Variants in MYBL2 observed in about 807,000 individuals in gnomAD.
The protein encoded by MYBL2 is MYB proto-oncogene like 2.
Under a neutral mutation model 79.9 loss-of-function variants are expected in MYBL2, and 28 were observed. The ratio of observed to expected loss-of-function variants is 0.35; its 90% CI spans 0.26 to 0.48. MYBL2 has a LOEUF of 0.48. Ranked by LOEUF, MYBL2 falls within the 20% of genes least tolerant of loss-of-function variation. The pLI is 0.99. For missense variants in MYBL2, 735 were observed against 893.9 expected (o/e 0.82, Z 2.27); for synonymous variants, 378 against 361.2 (o/e 1.05, Z -0.53).
chr20:43,689,553 G>A (rs1414106427), intron 5 of MYBL2, among the ~76,000 whole-genome samples: 1 of 152,128 alleles, frequency 6.6e-6, no homozygotes, highest in Non-Finnish European at 1.5e-5. Context: ...TGCCTATTGT[G>A]TAGCTAATGT....
intron 6 of MYBL2, among the ~76,000 whole-genome samples, chr20:43,696,472 T>C (rs986762029): frequency 2.6e-4 from 9 of 34,352 alleles, no homozygotes; most frequent in African/African-American, 5.1e-4. Flanking sequence ...CTGCCCACCT[T>C]GGCCTCCCAA....
At chr20:43,671,031 C>T (rs530731024) in intron 1 of MYBL2, among the ~76,000 whole-genome samples, 7 of 150,976 alleles carry the variant, frequency 4.6e-5, no homozygotes, top group Admixed American at 1.3e-4. Flanking sequence ...TGCAGTGGCA[C>T]GATCTTGACT....
At chr20:43,712,357 G>A (rs1412277923) in intron 11 of MYBL2, among the ~76,000 whole-genome samples, 1 of 152,184 alleles carries the variant, frequency 6.6e-6, no homozygotes, top group East Asian at 1.9e-4. Flanking sequence ...ACTTGCCCGA[G>A]CTGGCACCCC....
intron 1 of MYBL2, among the ~76,000 whole-genome samples, chr20:43,671,305 G>A (rs1380511366): frequency 6.6e-6 from 1 of 151,290 alleles, no homozygotes; most frequent in African/African-American, 2.4e-5. Flanking sequence ...ACAGGCGCAT[G>A]CCACCACACC....
In MYBL2 at chr20:43,699,915, G is replaced by C. The variant is rs141587061; in HGVS notation, c.822G>C (p.Pro274=). ...CACCAGAGCCCTTGGAGGAATTCCC[G>C]AAGCGTGAGGACCAGGAAGGCTCCC... is the stretch of plus-strand genomic sequence containing the variant. ...VRTPEPLEEF[P]KREDQEGSPP... The change falls in exon 7 of 14, where the codon CCG becomes CCC. Residue 274 remains proline (P), a synonymous_variant. Transcript: ENST00000217026. 6.2e-7 allele frequency: 1 copy of C among 1,614,086 alleles called. No individual in the cohort carries two copies. The highest frequency in any genetic ancestry group is 8.5e-7 in the Non-Finnish European group (1 of 1,180,006).
intron 7 of MYBL2, 96 bp downstream of exon 7, chr20:43,700,140 C>T: frequency 6.8e-7 from 1 of 1,468,388 alleles, no homozygotes; most frequent in Non-Finnish European, 9.2e-7. Context: ...TTCCATCGCC[C>T]TGCTAACAGT....
intron 9 of MYBL2, among the ~76,000 whole-genome samples, chr20:43,707,460 T>C (rs1204610868): frequency 6.6e-6 from 1 of 152,218 alleles, no homozygotes; most frequent in Non-Finnish European, 1.5e-5. Flanking sequence ...CATTCCTCTT[T>C]AGATCCATAT....
intron 1 of MYBL2, among the ~76,000 whole-genome samples, chr20:43,672,579 C>A (rs1307377312): frequency 6.6e-6 from 1 of 151,988 alleles, no homozygotes; most frequent in African/African-American, 2.4e-5. Flanking sequence ...GATGTTTCTA[C>A]AAAAAAATAC....
intron 9 of MYBL2, among the ~76,000 whole-genome samples, chr20:43,707,021 A>AT (rs1987804243): frequency 6.6e-6 from 1 of 150,510 alleles, no homozygotes; most frequent in Non-Finnish European, 1.5e-5. Flanking sequence ...GCCAAAAAAA[A>AT]TTTTTTTAAT....
chr20:43,678,091 ACGCTTGAAGG>A (rs1172498440), intron 2 of MYBL2, among the ~76,000 whole-genome samples: 2 of 150,300 alleles, frequency 1.3e-5, no homozygotes, highest in East Asian at 3.9e-4. Context: ...TGTTAAACAG[ACGCTTGAAGG>A]CAGCATGCTC....
In MYBL2 at chr20:43,699,950, C is replaced by A. The variant is rs150899100; in HGVS notation, c.857C>A (p.Thr286Lys). 46 of 1,614,152 alleles carry A rather than the reference C, an allele frequency of 2.8e-5. No individual in the cohort carries two copies. The highest frequency in any genetic ancestry group is 3.6e-5 in the Non-Finnish European group (43 of 1,180,036). ...GACCAGGAAGGCTCCCCACCAGAAA[C>A]GAGCCTGCCTTACAAGTGGGTGGTG... ...REDQEGSPPETSLPYKWVVEA... is the reference protein window; with the variant it reads ...REDQEGSPPEKSLPYKWVVEA... The change falls in exon 7 of 14, where the codon ACG (threonine) becomes AAG (lysine). Residue 286 changes from threonine to lysine, a missense_variant. By Grantham distance (78) the Thr-to-Lys change is moderately conservative. This residue lies in a region of MYBL2 where 144 missense variants were observed against 131.9 expected (regional missense o/e 1.09). Transcript: ENST00000217026.
chr20:43,694,103 C>T (rs1352130490), intron 6 of MYBL2, among the ~76,000 whole-genome samples: 9 of 151,810 alleles, frequency 5.9e-5, no homozygotes, highest in Admixed American at 3.3e-4. Flanking sequence ...GAGGCCGAGG[C>T]GGGTGGATCA....
chr20:43,705,873 T>TGTATTTTTA (rs1253000716), intron 9 of MYBL2, among the ~76,000 whole-genome samples: 1 of 151,802 alleles, frequency 6.6e-6, no homozygotes, highest in Non-Finnish European at 1.5e-5. Context: ...GCTAATTTTT[T>TGTATTTTTA]GTATTTTTAG....
intron 2 of MYBL2, among the ~76,000 whole-genome samples, chr20:43,676,292 C>T (rs1176829401): frequency 1.4e-5 from 2 of 142,482 alleles, no homozygotes; most frequent in Non-Finnish European, 3.0e-5. Context: ...CTCAAGTAGG[C>T]CCTGGTCTCC....
Position 43,702,674 on chromosome 20 carries a change from C to T in MYBL2, c.1136C>T (p.Ser379Leu). Residue 379 changes from serine to leucine, a missense_variant, in exon 8 of 14, where the codon TCA becomes TTA. By Grantham distance (145) the Ser-to-Leu change is moderately radical. Coordinates refer to ENST00000217026, the MANE Select transcript of MYBL2 (RefSeq NM_002466.4). ...TACCGCCTGGATGGCCACACCATCT[C>T]AGACCTGAGCCGGAGCAGCCGGGGC... ...TEYRLDGHTI[S>L]DLSRSSRGEL... The T allele has an allele frequency of 6.2e-7, 1 of 1,614,036 alleles. No homozygotes were observed.
intron 2 of MYBL2, among the ~76,000 whole-genome samples, chr20:43,679,677 A>C (rs1987100082): frequency 1.3e-5 from 2 of 152,122 alleles, no homozygotes; most frequent in Non-Finnish European, 2.9e-5. Context: ...GCACTTTGGG[A>C]GGCCGAGGCA....
At chr20:43,713,235 G>T in intron 12 of MYBL2, 129 bp downstream of exon 12, 1 of 568,040 alleles carries the variant, frequency 1.8e-6, no homozygotes, top group Non-Finnish European at 3.2e-6. Flanking sequence ...GGGAGGGTGG[G>T]TCCGGGCACC....
At position 43,684,449 on chromosome 20, in the gene MYBL2, C is replaced by G. The variant is rs150801784; in HGVS notation, c.279+1563C>G. Among the ~76,000 whole-genome samples the G allele has an allele frequency of 5.9e-4, 90 of 151,716 alleles. No individual in the cohort carries two copies. In the East Asian group the frequency reaches 0.016, roughly 26 times the overall value. On this transcript the variant is annotated intron_variant, in intron 4 of 13. Transcript: ENST00000217026. The stretch of plus-strand genomic sequence containing the variant: ...ACAGGGTTTCACCATGTTGGCCTGA[C>G]TGGTCTTGAACTCCTGACCTTGTGA...
At chr20:43,714,349 A>G (rs1434004449) in intron 12 of MYBL2, among the ~76,000 whole-genome samples, 3 of 152,202 alleles carry the variant, frequency 2.0e-5, no homozygotes, top group Admixed American at 2.0e-4. Context: ...GAAAACTAGG[A>G]ACAGCCTTGG....
Sources: allele counts gnomAD v4.1 joint callset (sites outside exome capture counted in the v4.1 genomes callset), GRCh38; gene constraint gnomAD v4.1.1; regional missense constraint gnomAD v4.1.1; transcripts MANE v1.5; gene names NCBI Gene and HGNC (gene_info 2026-07-23, HGNC 2026-07-21).